Variants in RSL1D1 observed in about 807,000 individuals in gnomAD.
RSL1D1 encodes the protein ribosomal L1 domain-containing protein 1.
Under a neutral mutation model 44.6 loss-of-function variants are expected in RSL1D1, and 34 were observed. The ratio of observed to expected loss-of-function variants is 0.76; its 90% CI spans 0.58 to 1.02. The LOEUF is 1.02. Ranked by LOEUF, RSL1D1 falls within the 50% of genes least tolerant of loss-of-function variation. The pLI is 0.00. For synonymous variants in RSL1D1, 271 were observed against 207.4 expected (o/e 1.31, Z -2.63); for missense variants, 767 against 568.1 (o/e 1.35, Z -3.56).
chr16:11,841,515 ACCT>A (rs922155882), intron 7 of RSL1D1, 177 bp downstream of exon 7: 2 of 560,818 alleles, frequency 3.6e-6, no homozygotes, highest in African/African-American at 3.8e-5. Context: ...AACATCAACT[ACCT>A]CATGTAAAGT....
Position 11,839,743 on chromosome 16 carries a change from T to C in RSL1D1, c.1098A>G (p.Pro366=), listed in dbSNP as rs769551559. The C allele has an allele frequency of 1.5e-5, 25 of 1,614,138 alleles. No homozygotes were observed. Among genetic ancestry groups the C allele is most frequent in the Non-Finnish European group, 2.0e-5 (24 of 1,180,026 alleles). ...TCTTCTTTCCTATTGGTACCAGCTG[T>C]GGGATTTCGTCTTCGGATTCATTTG... The part of the protein sequence containing the change: ...KATNESEDEI[P]QLVPIGKKTP... The change falls in exon 8 of 9, where the codon CCA becomes CCG. Residue 366 remains proline (P), a synonymous_variant. Transcript: ENST00000571133.
At position 11,847,812 on chromosome 16, in the gene RSL1D1, A is replaced by G; in HGVS notation, c.246-6T>C. Reference sequence around the variant, plus strand: ...GAATACTATGAGGCAAGGTCCTACAAAATACGTGAAAAGAAACCGAGGAAA... The same window carrying G: ...GAATACTATGAGGCAAGGTCCTACAGAATACGTGAAAAGAAACCGAGGAAA... On this transcript the variant is annotated splice_polypyrimidine_tract_variant and splice_region_variant and intron_variant, in intron 2 of 8. Transcript: ENST00000571133. The G allele has an allele frequency of 1.2e-6, 2 of 1,611,712 alleles. No homozygotes were observed. The highest frequency in any genetic ancestry group is 1.7e-5 in the Admixed American group (1 of 59,392).
intron 5 of RSL1D1, among the ~76,000 whole-genome samples, chr16:11,844,865 A>G (rs1031986310): frequency 6.6e-6 from 1 of 152,192 alleles, no homozygotes; most frequent in Non-Finnish European, 1.5e-5. Context: ...CCAAGCTGAT[A>G]CACTGCCAAT....
intron 3 of RSL1D1, among the ~76,000 whole-genome samples, chr16:11,847,334 C>CATTG: frequency 6.6e-6 from 1 of 152,176 alleles, no homozygotes; most frequent in East Asian, 1.9e-4. Flanking sequence ...GAGGTCCTGC[C>CATTG]ATTGAATTCC....
chr16:11,838,443 G>GTT (rs2053737678), intron 8 of RSL1D1, among the ~76,000 whole-genome samples: 1 of 151,984 alleles, frequency 6.6e-6, no homozygotes, highest in African/African-American at 2.4e-5. Flanking sequence ...GATTACAGGC[G>GTT]TGAGCCACTG....
intron 5 of RSL1D1, among the ~76,000 whole-genome samples, 169 bp from the exon 6 acceptor site, chr16:11,842,169 T>C (rs1056805230): frequency 2.6e-5 from 4 of 152,006 alleles, no homozygotes; most frequent in Non-Finnish European, 5.9e-5. Flanking sequence ...TCTACCACAC[T>C]AACAAAAATT....
At chr16:11,841,644 G>A (rs755227984) in intron 7 of RSL1D1, 51 bp downstream of exon 7, 14 of 1,544,324 alleles carry the variant, frequency 9.1e-6, no homozygotes, top group Admixed American at 1.8e-5. Flanking sequence ...CCTAGTGACT[G>A]AATTTACACC....
intron 5 of RSL1D1, among the ~76,000 whole-genome samples, 190 bp from the exon 6 acceptor site, chr16:11,842,190 G>A (rs899161794): frequency 2.0e-5 from 3 of 152,064 alleles, no homozygotes; most frequent in Non-Finnish European, 4.4e-5. Context: ...AACTGGGCAT[G>A]GTGGTACATG....
intron 8 of RSL1D1, among the ~76,000 whole-genome samples, chr16:11,838,844 G>A (rs1247828843): frequency 2.2e-5 from 3 of 135,940 alleles, no homozygotes; most frequent in Non-Finnish European, 4.5e-5. Context: ...GCAACAAAGT[G>A]AGACCTTGTC....
intron 3 of RSL1D1, 77 bp downstream of exon 3, chr16:11,847,591 T>C (rs541816591): frequency 1.4e-4 from 161 of 1,172,076 alleles, no homozygotes; most frequent in African/African-American, 8.8e-4. Flanking sequence ...CTAGGAAATA[T>C]AGCAATGTAT....
At chr16:11,840,099 A>G in intron 7 of RSL1D1, 114 bp from the exon 8 acceptor site, 10 of 1,474,934 alleles carry the variant, frequency 6.8e-6, no homozygotes, top group Non-Finnish European at 9.0e-6. Context: ...ATGGACCTCG[A>G]TCTATACAGA....
Position 11,836,688 on chromosome 16 carries a change from A to C in RSL1D1, c.*1099T>G, listed in dbSNP as rs550126919. On this transcript the variant is annotated 3_prime_UTR_variant, in exon 9 of 9. Coordinates refer to ENST00000571133, the MANE Select transcript of RSL1D1 (RefSeq NM_015659.3). ...ATTCAATTTAGTCCCTGTATAAATG[A>C]CTCCATGTTAATTTCCCTTCCCATA... The C allele has an allele frequency of 3.9e-5, 6 of 152,084 alleles. No homozygotes were observed. The East Asian group carries it at 1.2e-3, about 29-fold the overall frequency. The allele number at this position is 152,084 out of a possible 1,614,324, so 9.4% of individuals were successfully genotyped here.
intron 2 of RSL1D1, chr16:11,849,297 C>T (rs2053819596): frequency 6.6e-6 from 1 of 151,210 alleles, no homozygotes; most frequent in Non-Finnish European, 1.5e-5. Flanking sequence ...GTGGGAGGAT[C>T]ACTTGAGTCA....
intron 8 of RSL1D1, among the ~76,000 whole-genome samples, chr16:11,838,458 CGGCCAAGTTACTGTTTTTCAGCGCAT>C (rs1159631057): frequency 2.0e-5 from 3 of 152,038 alleles, no homozygotes; most frequent in Admixed American, 6.6e-5. Flanking sequence ...CCACTGTGCC[CGGCCAAGTTACTGTTTTTCAGCGCAT>C]GGCCAAGTTA....
At chr16:11,846,474 AG>A (rs774201725) in intron 5 of RSL1D1, 26 bp downstream of exon 5, 1 of 1,056,508 alleles carries the variant, frequency 9.5e-7, no homozygotes, top group South Asian at 1.4e-5. Context: ...AGATTAAAAG[AG>A]GCACACATGA....
intron 7 of RSL1D1, 200 bp downstream of exon 7, chr16:11,841,495 G>T: frequency 2.0e-6 from 1 of 505,872 alleles, no homozygotes; most frequent in Non-Finnish European, 3.5e-6. Context: ...CTATCTTAAT[G>T]CGCATTACTA....
intron 7 of RSL1D1, among the ~76,000 whole-genome samples, chr16:11,840,498 C>CG (rs1567418280): frequency 6.6e-6 from 1 of 151,988 alleles, no homozygotes; most frequent in African/African-American, 2.4e-5. Flanking sequence ...ACCTGGAAGG[C>CG]GGGGGGTTGT....
Position 11,851,515 on chromosome 16 carries a change from T to G in RSL1D1, c.-3A>C. ...GAGGCCGAGGCCGAATCCTCCATCT[T>G]GTTTCCACCTCGTGAAGAGGCGCGT... On this transcript the variant is annotated 5_prime_UTR_variant, in exon 1 of 9. Transcript: ENST00000571133. 1 of 1,613,166 alleles carries G rather than the reference T, an allele frequency of 6.2e-7. No individual in the cohort carries two copies. Among genetic ancestry groups the G allele is most frequent in the Non-Finnish European group, 8.5e-7 (1 of 1,179,786 alleles).
In RSL1D1 at chr16:11,847,737, T is replaced by C; in HGVS notation, c.315A>G (p.Ser105=). Residue 105 remains serine, a synonymous_variant, in exon 3 of 9, where the codon TCA becomes TCG. Transcript: ENST00000571133. ...AAAACTGTTCTGTCTTTTCAGGAGT[T>C]GAATTGGGTTCATCCTTCGTAAATA... The part of the protein sequence containing the change: ...ICLFTKDEPN[S]TPEKTEQFYR... 6.2e-7 allele frequency: 1 copy of C among 1,612,990 alleles called. No homozygotes were observed. The highest frequency in any genetic ancestry group is 8.5e-7 in the Non-Finnish European group (1 of 1,179,022).
Sources: gnomAD v4.1 joint callset for allele counts (sites outside exome capture counted in the v4.1 genomes callset) on GRCh38, gnomAD v4.1.1 for gene constraint, MANE v1.5 for transcripts, NCBI Gene and HGNC (gene_info 2026-07-23, HGNC 2026-07-21) for gene names.